The following RAB33A variants were observed in gnomAD, a reference collection of about 807,000 sequenced individuals.
RAB33A encodes RAB33A, member RAS oncogene family.
RAB33A carries 6 observed loss-of-function variants against 12.0 expected under a neutral mutation model. That is an observed-to-expected ratio of 0.50 (90% confidence interval 0.27 to 0.99). The LOEUF (loss-of-function observed/expected upper bound fraction) is 0.99. RAB33A is among the 50% of genes least tolerant of loss of function. RAB33A has a pLI of 0.11. For synonymous variants in RAB33A, 70 were observed against 82.4 expected, an observed-to-expected ratio of 0.85 and a Z score of 0.81; for missense variants, 109 against 192.0, an observed-to-expected ratio of 0.57 and a Z score of 2.55.
upstream of RAB33A, among the ~76,000 whole-genome samples, chrX:130,168,458 C>T (rs1210830906): frequency 9.0e-6 from 1 of 111,055 alleles, no homozygotes; most frequent in East Asian, 2.9e-4. Context: ...CAGGTGATCG[C>T]CCGCCTCGGC....
the RAB33A span, chrX:130,165,789 C>G: frequency 1.7e-6 from 1 of 588,061 alleles, no homozygotes; most frequent in Non-Finnish European, 2.9e-6. Flanking sequence ...CCTCCCAGCT[C>G]CGGGTGGGCA....
the RAB33A span, among the ~76,000 whole-genome samples, chrX:130,131,108 C>T: frequency 9.0e-6 from 1 of 111,522 alleles, no homozygotes; most frequent in Non-Finnish European, 1.9e-5. Flanking sequence ...ATGAAAGAGA[C>T]ATGTGTGGGA....
chrX:130,134,895 A>G, the RAB33A span, among the ~76,000 whole-genome samples: 3 of 111,808 alleles, frequency 2.7e-5, no homozygotes, highest in African/African-American at 9.8e-5. Context: ...GCTTACATTT[A>G]TGGTGTTAAG....
the RAB33A span, chrX:130,145,608 G>T: frequency 9.6e-7 from 1 of 1,039,909 alleles, no homozygotes; most frequent in Non-Finnish European, 1.3e-6. Flanking sequence ...TAAGCATGTG[G>T]AACTGTTATC....
upstream of RAB33A, chrX:130,171,803 C>T: frequency 2.6e-6 from 1 of 386,056 alleles, no homozygotes; most frequent in Non-Finnish European, 4.5e-6. Context: ...CTCTCTCCTC[C>T]TCTCCCTGGC....
the RAB33A span, among the ~76,000 whole-genome samples, chrX:130,150,661 A>G: frequency 2.8e-5 from 3 of 105,605 alleles, no homozygotes; most frequent in African/African-American, 1.0e-4. Context: ...AAGAAAAGGT[A>G]GGCAAGAATG....
the RAB33A span, among the ~76,000 whole-genome samples, chrX:130,141,847 G>A: frequency 3.6e-5 from 4 of 111,433 alleles, no homozygotes; most frequent in Non-Finnish European, 7.5e-5. Flanking sequence ...TTCAGCTTTC[G>A]CTCAGTCTGT....
At chrX:130,123,700 CAAAAAAAAA>C in the RAB33A span, among the ~76,000 whole-genome samples, 268 of 39,870 alleles carry the variant, frequency 6.7e-3, no homozygotes, top group African/African-American at 0.025. Context: ...GACTCTGTCT[CAAAAAAAAA>C]AAAAAAAAAA....
upstream of RAB33A, chrX:130,171,910 C>T (rs2031611137): frequency 4.3e-5 from 28 of 657,327 alleles, no homozygotes; most frequent in Non-Finnish European, 5.6e-5. Flanking sequence ...CGCGCGCGCA[C>T]ACGGTGCCGG....
At chrX:130,173,955 A>C (rs2031637566) in intron 1 of RAB33A, among the ~76,000 whole-genome samples, 1 of 112,112 alleles carries the variant, frequency 8.9e-6, no homozygotes, top group African/African-American at 3.2e-5. Flanking sequence ...CCTGGATTTA[A>C]AAGGTGGGAA....
chrX:130,134,868 G>T, the RAB33A span, among the ~76,000 whole-genome samples: 1 of 111,538 alleles, frequency 9.0e-6, no homozygotes, highest in Non-Finnish European at 1.9e-5. Context: ...TACAAAGTCT[G>T]AAGCAACATA....
the RAB33A span, among the ~76,000 whole-genome samples, chrX:130,119,403 G>C: frequency 8.9e-6 from 1 of 112,255 alleles, no homozygotes; most frequent in African/African-American, 3.2e-5. Flanking sequence ...GGTCACCTAG[G>C]GGGGCTTGGG....
At chrX:130,145,026 A>G in the RAB33A span, among the ~76,000 whole-genome samples, 8 of 112,390 alleles carry the variant, frequency 7.1e-5, no homozygotes, top group African/African-American at 2.6e-4. Context: ...ACAATAAAAT[A>G]TAACAAAACC....
the RAB33A span, chrX:130,165,582 G>A: frequency 1.7e-6 from 2 of 1,200,246 alleles, no homozygotes; most frequent in African/African-American, 3.5e-5. Flanking sequence ...TCGGGCTTCG[G>A]ACGCACACGG....
At chrX:130,143,298 C>T in the RAB33A span, among the ~76,000 whole-genome samples, 7 of 112,179 alleles carry the variant, frequency 6.2e-5, no homozygotes, top group South Asian at 3.7e-4. Flanking sequence ...GACACCTTCA[C>T]GCAGATATTC....
At chrX:130,131,647 TCCAAGAG>T in the RAB33A span, 1 of 1,211,182 alleles carries the variant, frequency 8.3e-7, no homozygotes. Flanking sequence ...CTCAACACTC[TCCAAGAG>T]GAGTGCTAGG....
chrX:130,157,244 CA>C, the RAB33A span, among the ~76,000 whole-genome samples: 1 of 112,169 alleles, frequency 8.9e-6, no homozygotes, highest in African/African-American at 3.2e-5. Flanking sequence ...CTTACTCCTC[CA>C]AAATAATACA....
chrX:130,130,533 A>G, the RAB33A span, among the ~76,000 whole-genome samples: 7 of 112,617 alleles, frequency 6.2e-5, no homozygotes, highest in African/African-American at 2.3e-4. Flanking sequence ...TGGTCCAAAT[A>G]CAGTAGCCAC....
chrX:130,176,627 G>A (rs1327500336), intron 1 of RAB33A, among the ~76,000 whole-genome samples: 1 of 112,428 alleles, frequency 8.9e-6, no homozygotes, highest in Non-Finnish European at 1.9e-5. Context: ...GGGCTTCTGA[G>A]CTTCTATCTT....
Sources: gnomAD v4.1 joint callset for allele counts (sites outside exome capture counted in the v4.1 genomes callset) on GRCh38, gnomAD v4.1.1 for gene constraint, MANE v1.5 for transcripts, NCBI Gene and HGNC (gene_info 2026-07-23, HGNC 2026-07-21) for gene names.